The following ZNF423 variants were observed in gnomAD, a reference collection of about 807,000 sequenced individuals.
ZNF423 encodes the protein Ebf-associated zinc finger protein.
A neutral mutation model predicts 95.8 loss-of-function variants in ZNF423; 12 were observed. The observed-to-expected ratio is 0.13, with a 90% CI of 0.08 to 0.20. The LOEUF is 0.20. Among genes scored for constraint, ZNF423 ranks in the 10% least tolerant of loss-of-function variants. ZNF423 has a pLI of 1.00. For synonymous variants in ZNF423, 749 were observed against 711.9 expected (o/e 1.05, Z -0.83); for missense variants, 1,316 against 1,737.1 (o/e 0.76, Z 4.31).
intron 2 of ZNF423, among the ~76,000 whole-genome samples, chr16:49,744,159 CA>C (rs1402756093): frequency 3.3e-5 from 5 of 152,198 alleles, no homozygotes; most frequent in African/African-American, 1.2e-4. Flanking sequence ...CGTCAGTCCC[CA>C]AGAGGGTGTT....
At chr16:49,659,816 C>A (rs1221677286) in intron 3 of ZNF423, among the ~76,000 whole-genome samples, 1 of 152,218 alleles carries the variant, frequency 6.6e-6, no homozygotes, top group Non-Finnish European at 1.5e-5. Flanking sequence ...GCTGACGGCA[C>A]CCCTGTGGGT....
intron 3 of ZNF423, among the ~76,000 whole-genome samples, chr16:49,726,327 C>T (rs1203218470): frequency 6.6e-6 from 1 of 152,178 alleles, no homozygotes; most frequent in South Asian, 2.1e-4. Context: ...ATCCAGACTA[C>T]AGGCCCACAG....
chr16:49,626,349 A>G, intron 4 of ZNF423, 95 bp from the exon 5 acceptor site: 1 of 1,185,064 alleles, frequency 8.4e-7, no homozygotes, highest in South Asian at 1.3e-5. Flanking sequence ...AAGACTTTCC[A>G]GAATGGTTCC....
At chr16:49,729,686 T>C (rs1469105281) in intron 3 of ZNF423, among the ~76,000 whole-genome samples, 3 of 143,872 alleles carry the variant, frequency 2.1e-5, no homozygotes, top group Non-Finnish European at 4.6e-5. Context: ...TATTATTATT[T>C]TAAAAATATC....
intron 5 of ZNF423, among the ~76,000 whole-genome samples, chr16:49,597,526 T>C (rs1004175025): frequency 1.3e-5 from 2 of 152,216 alleles, no homozygotes; most frequent in Non-Finnish European, 2.9e-5. Context: ...GGTTTCCTTT[T>C]AATTTTTTTT....
At chr16:49,604,165 C>G (rs374051607) in intron 5 of ZNF423, among the ~76,000 whole-genome samples, 1 of 152,230 alleles carries the variant, frequency 6.6e-6, no homozygotes, top group Non-Finnish European at 1.5e-5. Context: ...ACCCCGCTGG[C>G]GGGCACCCGG....
At position 49,488,940 on chromosome 16, in the gene ZNF423, G is replaced by C. The variant is rs369628632; in HGVS notation, c.*2335C>G. The C allele has an allele frequency of 2.6e-5, 4 of 152,504 alleles. No individual in the cohort carries two copies. Among genetic ancestry groups the C allele is most frequent in the Admixed American group, 2.6e-4 (4 of 15,278 alleles). The allele number at this position is 152,504 out of a possible 1,614,324, so 9.4% of individuals were successfully genotyped here. ...ATGCGGCCGGGGTGAGGGGGGAGTC[G>C]GTGGGGTTCCCTGGCTGCCTTGTCA... On this transcript the variant is annotated 3_prime_UTR_variant, in exon 8 of 8. Transcript: ENST00000563137.
chr16:49,753,418 A>G (rs1348248842), intron 2 of ZNF423, among the ~76,000 whole-genome samples: 1 of 144,718 alleles, frequency 6.9e-6, no homozygotes, highest in Non-Finnish European at 1.5e-5. Context: ...CCTGGGCAAC[A>G]TAGCAAGACC....
intron 4 of ZNF423, among the ~76,000 whole-genome samples, chr16:49,629,548 C>T (rs1390086407): frequency 6.6e-6 from 1 of 152,214 alleles, no homozygotes; most frequent in Non-Finnish European, 1.5e-5. Context: ...GAAGACTTCT[C>T]TTTTCACCCC....
At chr16:49,774,023 A>T (rs1397976160) in intron 2 of ZNF423, among the ~76,000 whole-genome samples, 1 of 152,202 alleles carries the variant, frequency 6.6e-6, no homozygotes, top group Non-Finnish European at 1.5e-5. Flanking sequence ...ACAGGAGCCT[A>T]CAACAGTCAG....
intron 3 of ZNF423, among the ~76,000 whole-genome samples, chr16:49,728,218 A>G (rs2033077416): frequency 6.6e-6 from 1 of 152,122 alleles, no homozygotes; most frequent in South Asian, 2.1e-4. Flanking sequence ...TACATACGCA[A>G]TTCCCGGTGG....
At chr16:49,776,824 T>C (rs762754437) in intron 2 of ZNF423, among the ~76,000 whole-genome samples, 4 of 152,052 alleles carry the variant, frequency 2.6e-5, no homozygotes, top group Admixed American at 6.5e-5. Flanking sequence ...GACAAAGAAA[T>C]GGAAGAAAGA....
At chr16:49,516,448 G>T (rs916078675) in intron 7 of ZNF423, among the ~76,000 whole-genome samples, 1 of 152,324 alleles carries the variant, frequency 6.6e-6, no homozygotes, top group Non-Finnish European at 1.5e-5. Flanking sequence ...ACTGTGCCAA[G>T]GGCCTTTTGC....
At chr16:49,827,612 C>A (rs971272200) in intron 1 of ZNF423, among the ~76,000 whole-genome samples, 3 of 151,974 alleles carry the variant, frequency 2.0e-5, no homozygotes, top group Admixed American at 6.6e-5. Context: ...AGCTCCTGGG[C>A]TCCGGCAATT....
At chr16:49,579,002 A>T (rs1219042434) in intron 5 of ZNF423, among the ~76,000 whole-genome samples, 1 of 152,138 alleles carries the variant, frequency 6.6e-6, no homozygotes, top group East Asian at 1.9e-4. Flanking sequence ...CATACCTGGG[A>T]GGTTCATGCT....
chr16:49,632,268 G>T (rs1008640470), intron 4 of ZNF423, among the ~76,000 whole-genome samples: 1 of 152,142 alleles, frequency 6.6e-6, no homozygotes, highest in African/African-American at 2.4e-5. Flanking sequence ...CTGAGAGCTG[G>T]TTGCTATGGA....
chr16:49,850,306 A>G (rs183653581), intron 1 of ZNF423, among the ~76,000 whole-genome samples: 19 of 152,310 alleles, frequency 1.2e-4, no homozygotes, highest in African/African-American at 3.8e-4. Flanking sequence ...CAATTCATCC[A>G]TTTTGGGTGG....
At chr16:49,702,968 CACCAT>C (rs773672806) in intron 3 of ZNF423, among the ~76,000 whole-genome samples, 1 of 151,874 alleles carries the variant, frequency 6.6e-6, no homozygotes, top group Non-Finnish European at 1.5e-5. Flanking sequence ...CAGGATAAAG[CACCAT>C]ATGCTCATGT....
intron 4 of ZNF423, among the ~76,000 whole-genome samples, chr16:49,634,240 A>G (rs1398741086): frequency 9.9e-6 from 1 of 100,802 alleles, no homozygotes; most frequent in African/African-American, 3.9e-5. Flanking sequence ...ACAGGGTCCC[A>G]CTCTGCCACC....
Sources: allele counts gnomAD v4.1 joint callset (sites outside exome capture counted in the v4.1 genomes callset), GRCh38; gene constraint gnomAD v4.1.1; transcripts MANE v1.5; gene names NCBI Gene and HGNC (gene_info 2026-07-23, HGNC 2026-07-21).